Variants in DGKI observed in about 807,000 individuals in gnomAD.
DGKI encodes DAG kinase iota.
In DGKI, 55 loss-of-function variants were observed where a neutral mutation model predicts 147.5. The ratio of observed to expected loss-of-function variants is 0.37; its 90% CI spans 0.30 to 0.47. The LOEUF (loss-of-function observed/expected upper bound fraction) is 0.47. Among genes scored for constraint, DGKI ranks in the 20% least tolerant of loss-of-function variants. DGKI has a pLI of 1.00. For synonymous variants in DGKI, 469 were observed against 477.1 expected (o/e 0.98, Z 0.22); for missense variants, 1,007 against 1,323.8 (o/e 0.76, Z 3.71).
At chr7:137,670,513 T>C (rs912231972) in intron 3 of DGKI, among the ~76,000 whole-genome samples, 9 of 152,178 alleles carry the variant, frequency 5.9e-5, no homozygotes, top group Non-Finnish European at 1.2e-4. Context: ...AAGGGTGACA[T>C]TACTTCTGCC....
chr7:137,552,654 A>G (rs1427593763), intron 19 of DGKI, 86 bp from the exon 20 acceptor site: 3 of 1,426,398 alleles, frequency 2.1e-6, no homozygotes, highest in Non-Finnish European at 2.9e-6. Flanking sequence ...CATGCCTGTA[A>G]TCCCAGCACT....
At chr7:137,725,816 T>C (rs576874973) in intron 1 of DGKI, among the ~76,000 whole-genome samples, 3 of 152,282 alleles carry the variant, frequency 2.0e-5, no homozygotes, top group African/African-American at 7.2e-5. Flanking sequence ...AGTTTTACAT[T>C]TCTCTCCTAG....
At chr7:137,573,006 T>C (rs1262643660) in intron 17 of DGKI, among the ~76,000 whole-genome samples, 168 bp from the exon 18 acceptor site, 1 of 152,172 alleles carries the variant, frequency 6.6e-6, no homozygotes, top group Non-Finnish European at 1.5e-5. Context: ...TGGTTATAGC[T>C]TTACTGGACC....
intron 17 of DGKI, among the ~76,000 whole-genome samples, chr7:137,575,898 C>T (rs1818953121): frequency 6.6e-6 from 1 of 152,128 alleles, no homozygotes; most frequent in Non-Finnish European, 1.5e-5. Context: ...ACATGCTTTA[C>T]TGGTGATTAC....
At chr7:137,424,464 G>A (rs1012529208) in intron 28 of DGKI, among the ~76,000 whole-genome samples, 10 of 152,192 alleles carry the variant, frequency 6.6e-5, no homozygotes, top group African/African-American at 2.4e-4. Context: ...GAGTGACGCA[G>A]AAGACGGGTG....
chr7:137,549,371 G>A (rs562632556), intron 20 of DGKI, among the ~76,000 whole-genome samples: 23 of 152,302 alleles, frequency 1.5e-4, no homozygotes, highest in African/African-American at 4.3e-4. Flanking sequence ...TAAGTGGAAA[G>A]GGAACTGTTG....
chr7:137,618,518 T>G (rs950871809), intron 8 of DGKI, among the ~76,000 whole-genome samples: 1 of 152,016 alleles, frequency 6.6e-6, no homozygotes, highest in Admixed American at 6.6e-5. Flanking sequence ...TCACGTATTT[T>G]ATCGCAATGC....
chr7:137,605,593 T>C (rs546732251), intron 10 of DGKI, among the ~76,000 whole-genome samples: 20 of 152,234 alleles, frequency 1.3e-4, no homozygotes, highest in African/African-American at 4.3e-4. Flanking sequence ...AAAGAAACTG[T>C]GGTATATATA....
At chr7:137,741,605 G>A (rs1029754055) in intron 1 of DGKI, among the ~76,000 whole-genome samples, 21 of 152,126 alleles carry the variant, frequency 1.4e-4, no homozygotes, top group African/African-American at 5.1e-4. Context: ...GTGTCTGAAC[G>A]ATAAGATGAA....
rs138790966 is a variant in DGKI, at chr7:137,456,373, T to A, written c.2735+7116A>T. 6.2e-4 allele frequency among the ~76,000 whole-genome samples: 95 copies of A among 152,322 alleles called. 1 individual carries two copies. Among genetic ancestry groups the A allele is most frequent in the African/African-American group, 1.5e-3 (62 of 41,580 alleles). ...AATTTGATAAGTACTGGGTTTAGTA[T>A]AGCAATATAAATAGACACGTATTTA... is the stretch of plus-strand genomic sequence containing the variant. On this transcript the variant is annotated intron_variant, in intron 27 of 32. Coordinates refer to ENST00000614521, the MANE Select transcript of DGKI (RefSeq NM_001321708.2).
At chr7:137,525,892 G>A (rs551852426) in intron 20 of DGKI, among the ~76,000 whole-genome samples, 17 of 152,078 alleles carry the variant, frequency 1.1e-4, no homozygotes, top group Middle Eastern at 3.4e-3. Flanking sequence ...GCTACCTCTG[G>A]GGGGAGATTG....
intron 29 of DGKI, 64 bp from the exon 30 acceptor site, chr7:137,408,059 G>T: frequency 1.3e-6 from 2 of 1,586,054 alleles, no homozygotes; most frequent in Non-Finnish European, 8.6e-7. Flanking sequence ...ACAGCTAACC[G>T]GTAATAAAAT....
At chr7:137,805,976 A>G (rs73152547) in intron 1 of DGKI, among the ~76,000 whole-genome samples, 7,716 of 152,312 alleles carry the variant, frequency 0.051, 243 homozygotes, top group Non-Finnish European at 0.075. Context: ...TAAATAATAC[A>G]GGCTGTATTT....
intron 20 of DGKI, among the ~76,000 whole-genome samples, chr7:137,538,830 T>C (rs1393022347): frequency 1.3e-5 from 2 of 152,252 alleles, no homozygotes; most frequent in South Asian, 2.1e-4. Flanking sequence ...TAGCAGTAGA[T>C]TGGTGAAGAA....
At chr7:137,580,502 G>A (rs1168241704) in intron 15 of DGKI, among the ~76,000 whole-genome samples, 2 of 152,002 alleles carry the variant, frequency 1.3e-5, no homozygotes, top group Admixed American at 6.6e-5. Context: ...GATTTTTCTG[G>A]CCAATCAGAG....
At chr7:137,758,956 T>C (rs902559819) in intron 1 of DGKI, among the ~76,000 whole-genome samples, 16 of 152,214 alleles carry the variant, frequency 1.1e-4, no homozygotes, top group African/African-American at 3.6e-4. Flanking sequence ...ATATTCTTCT[T>C]AAATTTTTTA....
intron 1 of DGKI, among the ~76,000 whole-genome samples, chr7:137,804,578 G>A (rs908072159): frequency 5.3e-5 from 8 of 152,138 alleles, no homozygotes; most frequent in Admixed American, 2.6e-4. Flanking sequence ...ATAAAAAGAT[G>A]TAAACGTTTT....
At chr7:137,523,146 A>G (rs1016286195) in intron 20 of DGKI, among the ~76,000 whole-genome samples, 1 of 152,054 alleles carries the variant, frequency 6.6e-6, no homozygotes, top group African/African-American at 2.4e-5. Flanking sequence ...ATAAGAAAGA[A>G]TACATGAAAG....
intron 27 of DGKI, among the ~76,000 whole-genome samples, chr7:137,456,787 AGTTT>A (rs1368944263): frequency 6.6e-6 from 1 of 152,192 alleles, no homozygotes; most frequent in Non-Finnish European, 1.5e-5. Context: ...CATTAAAGTA[AGTTT>A]GTTTGTTTTT....
Sources: allele counts gnomAD v4.1 joint callset (sites outside exome capture counted in the v4.1 genomes callset), GRCh38; gene constraint gnomAD v4.1.1; transcripts MANE v1.5; gene names NCBI Gene and HGNC (gene_info 2026-07-23, HGNC 2026-07-21).